SH3BGRL2: variants seen among roughly 807,000 people sequenced by gnomAD.
SH3BGRL2 encodes SH3 domain-binding glutamic acid-rich-like protein 2.
A neutral mutation model predicts 14.8 loss-of-function variants in SH3BGRL2; 21 were observed. The ratio of observed to expected loss-of-function variants is 1.42; its 90% CI spans 1.01 to 2.05. SH3BGRL2 has a LOEUF of 2.05. SH3BGRL2 is among the 30% of genes most tolerant of loss of function. The pLI is 0.00. For missense variants in SH3BGRL2, 147 were observed against 130.8 expected, an observed-to-expected ratio of 1.12 and a Z score of -0.61; for synonymous variants, 50 against 47.8, an observed-to-expected ratio of 1.05 and a Z score of -0.19.
At chr6:79,692,362 T>G (rs1770237554) in intron 2 of SH3BGRL2, among the ~76,000 whole-genome samples, 2 of 152,222 alleles carry the variant, frequency 1.3e-5, no homozygotes, top group African/African-American at 4.8e-5. Context: ...TTAGTTTAAT[T>G]AGATCCCATT....
intron 1 of SH3BGRL2, among the ~76,000 whole-genome samples, chr6:79,663,373 G>A (rs1003931440): frequency 1.3e-5 from 2 of 152,146 alleles, no homozygotes; most frequent in Non-Finnish European, 2.9e-5. Context: ...ACTTCTTTCT[G>A]TTTGTTGGTT....
chr6:79,590,208 C>T, the SH3BGRL2 span, among the ~76,000 whole-genome samples: 4 of 151,846 alleles, frequency 2.6e-5, no homozygotes, highest in African/African-American at 9.7e-5. Context: ...GGTGGGAATG[C>T]ACTGTGGAAA....
At chr6:79,560,897 T>TTTTTTTTA in the SH3BGRL2 span, among the ~76,000 whole-genome samples, 1 of 67,526 alleles carries the variant, frequency 1.5e-5, no homozygotes, top group East Asian at 2.6e-4. Flanking sequence ...TTTTTTTTTT[T>TTTTTTTTA]GAGACAGAGT....
At chr6:79,583,065 A>T in the SH3BGRL2 span, among the ~76,000 whole-genome samples, 1 of 152,254 alleles carries the variant, frequency 6.6e-6, no homozygotes, top group Non-Finnish European at 1.5e-5. Flanking sequence ...AGAAATGCAA[A>T]TTAAAACCAC....
the SH3BGRL2 span, among the ~76,000 whole-genome samples, chr6:79,572,421 A>G: frequency 3.9e-5 from 6 of 151,978 alleles, no homozygotes; most frequent in Non-Finnish European, 7.4e-5. Context: ...TACCAATTTT[A>G]TGGGTATAAA....
In SH3BGRL2 at chr6:79,676,112, C is replaced by T. The variant is rs546998957; in HGVS notation, c.231+2313C>T. ...TTAATTTTTCTGGAGAGTGGCCTTT[C>T]AGTCTCCTGCTTTGGGAATCTCTGC... On this transcript the variant is annotated intron_variant, in intron 2 of 3. Transcript: ENST00000369838. 6.6e-5 allele frequency among the ~76,000 whole-genome samples: 10 copies of T among 152,182 alleles called. No homozygotes were observed. The East Asian group carries it at 1.7e-3, about 27-fold the overall frequency.
At chr6:79,579,276 T>A in the SH3BGRL2 span, among the ~76,000 whole-genome samples, 7 of 152,082 alleles carry the variant, frequency 4.6e-5, no homozygotes, top group Non-Finnish European at 1.0e-4. Context: ...AGGCCAACAT[T>A]AAAATTCAGG....
At chr6:79,632,451 T>C (rs1389796929) in intron 1 of SH3BGRL2, among the ~76,000 whole-genome samples, 1 of 152,140 alleles carries the variant, frequency 6.6e-6, no homozygotes, top group Non-Finnish European at 1.5e-5. Flanking sequence ...ACATATATAA[T>C]CAAGTAACAT....
chr6:79,632,866 C>T (rs1768852395), intron 1 of SH3BGRL2, among the ~76,000 whole-genome samples: 1 of 152,224 alleles, frequency 6.6e-6, no homozygotes, highest in Non-Finnish European at 1.5e-5. Flanking sequence ...TTCAAATGCA[C>T]TCCTTACTAA....
At chr6:79,631,309 G>A (rs562895720), upstream of SH3BGRL2, 270 of 596,980 alleles carry the variant, frequency 4.5e-4, 2 homozygotes, top group African/African-American at 4.7e-3. Context: ...TTTTATCTGC[G>A]GACCCGCCGG....
In SH3BGRL2 at chr6:79,638,757, A is replaced by G. The variant is rs117918666; in HGVS notation, c.45+7251A>G. On this transcript the variant is annotated intron_variant, in intron 1 of 3. Coordinates refer to ENST00000369838, the MANE Select transcript of SH3BGRL2 (RefSeq NM_031469.4). ...ATTTGTATGTCTTCTTTTGAGAGCT[A>G]TCTGTTTAGATCACTTATCCAATTT... 4.6e-3 allele frequency among the ~76,000 whole-genome samples: 706 copies of G among 152,162 alleles called. 3 individuals are homozygous for G. The highest frequency in any genetic ancestry group is 7.8e-3 in the Non-Finnish European group (530 of 67,976).
At chr6:79,563,186 C>T in the SH3BGRL2 span, among the ~76,000 whole-genome samples, 1 of 151,164 alleles carries the variant, frequency 6.6e-6, no homozygotes, top group Non-Finnish European at 1.5e-5. Flanking sequence ...ACAGTGTTAG[C>T]CAGGATGGTC....
the SH3BGRL2 span, among the ~76,000 whole-genome samples, chr6:79,553,332 ACTT>A: frequency 6.6e-5 from 10 of 152,286 alleles, no homozygotes; most frequent in Non-Finnish European, 1.2e-4. Context: ...ATTCCAGTGA[ACTT>A]CTTCAAAATC....
chr6:79,538,018 G>GTTTTTTTTTTTTTTTTTTT, the SH3BGRL2 span, among the ~76,000 whole-genome samples: 4 of 44,164 alleles, frequency 9.1e-5, 1 homozygote, highest in Admixed American at 3.8e-4. Context: ...TTGCACACAA[G>GTTTTTTTTTTTTTTTTTTT]TTTTTTTTTT....
In SH3BGRL2 at chr6:79,672,527, A is replaced by T. The variant is rs145448062; in HGVS notation, c.46-1087A>T. On this transcript the variant is annotated intron_variant, in intron 1 of 3. Coordinates refer to ENST00000369838, the MANE Select transcript of SH3BGRL2 (RefSeq NM_031469.4). Reference sequence around the variant, plus strand: ...ATAACAATGTTAACAGTACATACAGAGCTTCTGTTTTTTTTCTTTTTAAGC... The same window carrying T: ...ATAACAATGTTAACAGTACATACAGTGCTTCTGTTTTTTTTCTTTTTAAGC... Among the ~76,000 whole-genome samples the T allele has an allele frequency of 3.7e-4, 57 of 152,088 alleles. 1 individual carries two copies. Among genetic ancestry groups the T allele is most frequent in the South Asian group, 3.5e-3 (17 of 4,816 alleles).
At chr6:79,669,705 A>G (rs1470504327) in intron 1 of SH3BGRL2, among the ~76,000 whole-genome samples, 1 of 152,100 alleles carries the variant, frequency 6.6e-6, no homozygotes, top group Non-Finnish European at 1.5e-5. Context: ...TCAGACTCCC[A>G]AAGTGCTGGG....
At chr6:79,560,764 T>C in the SH3BGRL2 span, among the ~76,000 whole-genome samples, 1 of 151,702 alleles carries the variant, frequency 6.6e-6, no homozygotes, top group Non-Finnish European at 1.5e-5. Flanking sequence ...ACTAGCACTG[T>C]CCAATAGAAA....
chr6:79,606,700 G>C, the SH3BGRL2 span, among the ~76,000 whole-genome samples: 1 of 152,116 alleles, frequency 6.6e-6, no homozygotes, highest in Non-Finnish European at 1.5e-5. Flanking sequence ...CCTTTTTCTG[G>C]TGAGTTTATG....
At chr6:79,621,867 A>G in the SH3BGRL2 span, among the ~76,000 whole-genome samples, 1 of 152,130 alleles carries the variant, frequency 6.6e-6, no homozygotes. Flanking sequence ...TTCCTCCCTG[A>G]TAAGAGGAAA....
Sources: gnomAD v4.1 joint callset for allele counts (sites outside exome capture counted in the v4.1 genomes callset) on GRCh38, gnomAD v4.1.1 for gene constraint, MANE v1.5 for transcripts, NCBI Gene and HGNC (gene_info 2026-07-23, HGNC 2026-07-21) for gene names.